The following ITGA1 variants were observed in gnomAD, a reference collection of about 807,000 sequenced individuals.
ITGA1 encodes the protein integrin subunit alpha 1, also known as integrin alpha-1.
A neutral mutation model predicts 145.9 loss-of-function variants in ITGA1; 85 were observed. The ratio of observed to expected loss-of-function variants is 0.58; its 90% confidence interval spans 0.49 to 0.70. The LOEUF (loss-of-function observed/expected upper bound fraction) is 0.70. ITGA1 is among the 30% of genes least tolerant of loss of function. The probability of loss-of-function intolerance (pLI) is 0.00; values close to 1 mark genes in which losing one functional copy is unlikely to be tolerated. For synonymous variants in ITGA1, 520 were observed against 495.3 expected (o/e 1.05, Z -0.66); for missense variants, 1,351 against 1,418.7 (o/e 0.95, Z 0.77).
rs986521389 is a variant in ITGA1 at position 52,865,139 on chromosome 5, C to T, written c.496+57C>T. The stretch of plus-strand genomic sequence containing the variant: ...TGAAAAGCCTATGCAATGAATGAGA[C>T]GTATGTATACAAAGGAACATACCAA... On this transcript the variant is annotated intron_variant, in intron 5 of 28. Transcript: ENST00000282588. 109 of 1,216,110 alleles carry T rather than the reference C, an allele frequency of 9.0e-5. 1 individual carries two copies. Among genetic ancestry groups the T allele is most frequent in the South Asian group, 4.7e-4 (36 of 76,880 alleles). The allele number at this position is 1,216,110 out of a possible 1,614,324, so 75.3% of individuals were successfully genotyped here.
At chr5:52,799,981 C>T in intron 1 of ITGA1, 1 of 236,740 alleles carries the variant, frequency 4.2e-6, no homozygotes, top group Non-Finnish European at 8.5e-6. Flanking sequence ...GTTCATTCGT[C>T]CGGAGCGCCT....
intron 6 of ITGA1, chr5:52,867,147 A>G (rs1007413021): frequency 1.1e-4 from 16 of 152,026 alleles, no homozygotes; most frequent in Admixed American, 9.8e-4. Context: ...ATATATATAC[A>G]TACATGTGTC....
At chr5:52,920,985 C>G (rs1294277150) in intron 17 of ITGA1, among the ~76,000 whole-genome samples, 1 of 65,028 alleles carries the variant, frequency 1.5e-5, no homozygotes, top group East Asian at 3.2e-4. Context: ...TGTGCTACTT[C>G]AGTTTTTTTT....
intron 1 of ITGA1, among the ~76,000 whole-genome samples, chr5:52,838,033 C>G (rs528794035): frequency 3.9e-5 from 6 of 152,098 alleles, no homozygotes; most frequent in African/African-American, 1.4e-4. Context: ...GATTTCTTTT[C>G]TAAGCGTTTT....
chr5:52,905,930 T>C, intron 12 of ITGA1, 22 bp downstream of exon 12: 2 of 1,597,196 alleles, frequency 1.3e-6, no homozygotes, highest in African/African-American at 1.3e-5. Flanking sequence ...AAATATTCTT[T>C]TATTTAAATT....
At chr5:52,907,327 T>C (rs1239970999) in intron 12 of ITGA1, among the ~76,000 whole-genome samples, 1 of 152,014 alleles carries the variant, frequency 6.6e-6, no homozygotes, top group Non-Finnish European at 1.5e-5. Flanking sequence ...ATGTCAGCAG[T>C]AAAAATGGAA....
At chr5:52,927,954 G>A (rs977743260) in intron 20 of ITGA1, among the ~76,000 whole-genome samples, 1 of 152,116 alleles carries the variant, frequency 6.6e-6, no homozygotes, top group Admixed American at 6.5e-5. Context: ...TCATACGAGA[G>A]GCTTGAGGGA....
intron 16 of ITGA1, 69 bp from the exon 17 acceptor site, chr5:52,920,263 A>G: frequency 8.2e-7 from 1 of 1,215,790 alleles, no homozygotes; most frequent in Non-Finnish European, 1.1e-6. Flanking sequence ...TGCTAATTTA[A>G]TAATCTGTAC....
chr5:52,859,397 G>T (rs1749563633), intron 2 of ITGA1, among the ~76,000 whole-genome samples: 1 of 151,942 alleles, frequency 6.6e-6, no homozygotes, highest in African/African-American at 2.4e-5. Context: ...TTTTATTTAG[G>T]ATAGATTCCC....
chr5:52,947,653 G>A (rs1227810625), intron 28 of ITGA1, among the ~76,000 whole-genome samples, 192 bp downstream of exon 28: 1 of 151,984 alleles, frequency 6.6e-6, no homozygotes, highest in African/African-American at 2.4e-5. Flanking sequence ...CCCAATTTTT[G>A]TAAAGGAAAA....
At chr5:52,842,688 T>C (rs753214461) in intron 1 of ITGA1, among the ~76,000 whole-genome samples, 1 of 31,738 alleles carries the variant, frequency 3.2e-5, no homozygotes, top group Admixed American at 3.0e-4. Flanking sequence ...GAGCATCATC[T>C]TTTTTTTTTT....
chr5:52,947,458 G>T lies in ITGA1; in HGVS notation c.3492G>T (p.Trp1164Cys), dbSNP rs1561257998. ...LLLMLLILAL[W>C]KIGFFKRPLK... ...TAATGCTGCTCATTTTAGCACTGTG[G>T]AAGGTAAACACCAAAATTCCTTTGA... is the stretch of plus-strand genomic sequence containing the variant. Residue 1164 changes from tryptophan (W) to cysteine (C), a missense_variant, in exon 28 of 29, where the codon TGG (tryptophan) becomes TGT (cysteine). Transcript: ENST00000282588. 1 of 1,600,390 alleles carries T rather than the reference G, an allele frequency of 6.2e-7. No homozygotes were observed. The highest frequency in any genetic ancestry group is 8.6e-7 in the Non-Finnish European group (1 of 1,167,662).
intron 1 of ITGA1, 83 bp downstream of exon 1, chr5:52,788,497 GCCAGATAGGAAGAGAGAGCGC>G: frequency 8.5e-7 from 1 of 1,173,712 alleles, no homozygotes; most frequent in African/African-American, 1.6e-5. Context: ...AGAGCCATGG[GCCAGATAGGAAGAGAGAGCGC>G]CCATCCACTT....
intron 6 of ITGA1, among the ~76,000 whole-genome samples, chr5:52,875,889 T>A (rs896779188): frequency 6.6e-6 from 1 of 152,192 alleles, no homozygotes; most frequent in African/African-American, 2.4e-5. Flanking sequence ...ATTACTGGTT[T>A]TTTTTTTCCT....
intron 1 of ITGA1, among the ~76,000 whole-genome samples, chr5:52,840,834 G>A (rs1031029581): frequency 6.6e-6 from 1 of 152,094 alleles, no homozygotes; most frequent in Non-Finnish European, 1.5e-5. Context: ...CATTTCTTTT[G>A]ATTTATTCCA....
Position 52,788,376 on chromosome 5 carries a change from G to A in ITGA1, c.23G>A (p.Arg8His). Residue 8 changes from arginine to histidine, a missense_variant, in exon 1 of 29, where the codon CGC becomes CAC. Transcript: ENST00000282588. Reference sequence around the variant, plus strand: ...GCCATGGCCCCTCGGCCCCGCGCCCGCCCAGGGGTCGCTGTCGCCTGCTGC... The same window carrying A: ...GCCATGGCCCCTCGGCCCCGCGCCCACCCAGGGGTCGCTGTCGCCTGCTGC... The part of the protein sequence containing the change: MAPRPRA[R>H]PGVAVACCWL... 1.3e-6 allele frequency: 2 copies of A among 1,511,876 alleles called. No homozygotes were observed. The allele number at this position is 1,511,876 out of a possible 1,614,324, so 93.7% of individuals were successfully genotyped here.
chr5:52,881,331 T>G (rs908816720), intron 6 of ITGA1, among the ~76,000 whole-genome samples: 1 of 152,064 alleles, frequency 6.6e-6, no homozygotes, highest in African/African-American at 2.4e-5. Context: ...CTGGTCTTCT[T>G]CACATACACA....
At chr5:52,919,286 G>A (rs1249386046) in intron 16 of ITGA1, among the ~76,000 whole-genome samples, 4 of 151,966 alleles carry the variant, frequency 2.6e-5, no homozygotes, top group African/African-American at 9.7e-5. Flanking sequence ...CCCTTCTCTT[G>A]CCCCCTCTTG....
At chr5:52,876,671 A>G (rs954954573) in intron 6 of ITGA1, among the ~76,000 whole-genome samples, 2 of 152,206 alleles carry the variant, frequency 1.3e-5, no homozygotes, top group African/African-American at 4.8e-5. Context: ...AAAGCAAAAC[A>G]GCAGTGAAGG....
Sources: gnomAD v4.1 joint callset for allele counts (sites outside exome capture counted in the v4.1 genomes callset) on GRCh38, gnomAD v4.1.1 for gene constraint, MANE v1.5 for transcripts, NCBI Gene and HGNC (gene_info 2026-07-23, HGNC 2026-07-21) for gene names.